The following CSTPP1 variants were observed in gnomAD, a reference collection of about 807,000 sequenced individuals.
CSTPP1 encodes the protein UPF0705 protein C11orf49.
the CSTPP1 span, among the ~76,000 whole-genome samples, chr11:46,991,203 T>C: frequency 1.3e-5 from 2 of 151,778 alleles, no homozygotes; most frequent in Non-Finnish European, 2.9e-5. Context: ...ATAGTTTTTT[T>C]TTTTTTTTTT....
the CSTPP1 span, among the ~76,000 whole-genome samples, chr11:46,984,738 A>C: frequency 6.6e-6 from 1 of 151,608 alleles, no homozygotes; most frequent in Non-Finnish European, 1.5e-5. Flanking sequence ...CATTTCTACC[A>C]TCAAAAAGAA....
the CSTPP1 span, among the ~76,000 whole-genome samples, chr11:47,108,502 C>CT: frequency 3.1e-4 from 46 of 149,440 alleles, no homozygotes; most frequent in South Asian, 7.3e-3. Flanking sequence ...AAGGGACAGG[C>CT]TTTTTTTTTT....
chr11:47,150,520 A>T, the CSTPP1 span, among the ~76,000 whole-genome samples: 486 of 152,312 alleles, frequency 3.2e-3, 1 homozygote, highest in African/African-American at 0.011. Context: ...GTTTCCGAGA[A>T]CTGCAGAAGC....
At chr11:47,063,017 C>T in the CSTPP1 span, among the ~76,000 whole-genome samples, 1 of 152,182 alleles carries the variant, frequency 6.6e-6, no homozygotes, top group African/African-American at 2.4e-5. Flanking sequence ...CGTCTGTAGG[C>T]ATTGGAGTTT....
At chr11:46,968,697 G>C in the CSTPP1 span, among the ~76,000 whole-genome samples, 31 of 151,680 alleles carry the variant, frequency 2.0e-4, no homozygotes, top group Admixed American at 2.0e-3. Context: ...TCAGGAGTTC[G>C]AGACCAGCCT....
the CSTPP1 span, among the ~76,000 whole-genome samples, chr11:47,122,030 C>T: frequency 7.9e-6 from 1 of 126,860 alleles, no homozygotes; most frequent in Non-Finnish European, 1.6e-5. Flanking sequence ...ATGATCACAC[C>T]ACTGTACTCT....
At chr11:46,969,612 A>G in the CSTPP1 span, among the ~76,000 whole-genome samples, 1 of 152,236 alleles carries the variant, frequency 6.6e-6, no homozygotes, top group Non-Finnish European at 1.5e-5. Flanking sequence ...CTGGAACTAA[A>G]GAAAACAAAT....
the CSTPP1 span, among the ~76,000 whole-genome samples, chr11:47,005,819 G>GA: frequency 6.6e-6 from 1 of 152,244 alleles, no homozygotes; most frequent in Non-Finnish European, 1.5e-5. Context: ...ATGAGTTAAT[G>GA]AAAGTAAAGT....
At chr11:46,952,321 C>T in the CSTPP1 span, among the ~76,000 whole-genome samples, 1 of 152,202 alleles carries the variant, frequency 6.6e-6, no homozygotes, top group South Asian at 2.1e-4. Flanking sequence ...ACCTTTTAGG[C>T]AAGTGAAGCC....
At chr11:47,146,963 T>C in the CSTPP1 span, among the ~76,000 whole-genome samples, 4 of 152,188 alleles carry the variant, frequency 2.6e-5, no homozygotes, top group South Asian at 4.1e-4. Flanking sequence ...ACACAGACAT[T>C]TGCATGAGTT....
At chr11:47,101,176 TTTTTTTTTTTTTTA>T in the CSTPP1 span, among the ~76,000 whole-genome samples, 11 of 90,550 alleles carry the variant, frequency 1.2e-4, no homozygotes, top group East Asian at 2.5e-3. Context: ...TTTTTTTTTT[TTTTTTTTTTTTTTA>T]TTTTATTTTT....
the CSTPP1 span, among the ~76,000 whole-genome samples, chr11:46,994,277 C>T: frequency 6.6e-6 from 1 of 152,146 alleles, no homozygotes; most frequent in Non-Finnish European, 1.5e-5. Context: ...ATTTCCTTCT[C>T]CTGCCTAATT....
chr11:46,959,926 G>A, the CSTPP1 span, among the ~76,000 whole-genome samples: 2 of 150,118 alleles, frequency 1.3e-5, no homozygotes, highest in Non-Finnish European at 2.9e-5. Flanking sequence ...GAATGCAATG[G>A]TGCGATTTCG....
chr11:47,047,333 A>G, the CSTPP1 span, among the ~76,000 whole-genome samples: 1 of 152,390 alleles, frequency 6.6e-6, no homozygotes, highest in South Asian at 2.1e-4. Flanking sequence ...CTTCCCAACT[A>G]TAAAACTAGC....
the CSTPP1 span, among the ~76,000 whole-genome samples, chr11:47,091,399 A>G: frequency 6.6e-6 from 1 of 152,058 alleles, no homozygotes; most frequent in Non-Finnish European, 1.5e-5. Context: ...TTTACCTAAC[A>G]TTGTTCATGT....
the CSTPP1 span, chr11:47,041,956 G>T: frequency 1.3e-5 from 3 of 234,456 alleles, no homozygotes; most frequent in African/African-American, 4.4e-5. Context: ...CTTGGAGGCT[G>T]ACTTTGGGAG....
At chr11:46,955,361 G>GT in the CSTPP1 span, among the ~76,000 whole-genome samples, 22 of 145,374 alleles carry the variant, frequency 1.5e-4, no homozygotes, top group African/African-American at 3.9e-4. Context: ...TTTTTTTGTT[G>GT]TTTTTTTGTT....
chr11:47,121,503 T>G, the CSTPP1 span, among the ~76,000 whole-genome samples: 12 of 152,262 alleles, frequency 7.9e-5, no homozygotes, highest in African/African-American at 2.9e-4. Context: ...CTTTGGAAGT[T>G]GATCCAATCT....
At chr11:47,122,177 G>C in the CSTPP1 span, among the ~76,000 whole-genome samples, 15 of 138,928 alleles carry the variant, frequency 1.1e-4, no homozygotes, top group Non-Finnish European at 4.6e-5. Flanking sequence ...CCCTTATTTT[G>C]ATAGATGTTT....
Sources: allele counts gnomAD v4.1 joint callset (sites outside exome capture counted in the v4.1 genomes callset), GRCh38; gene constraint gnomAD v4.1.1; transcripts MANE v1.5; gene names NCBI Gene and HGNC (gene_info 2026-07-23, HGNC 2026-07-21).